Variants in INTS2 observed in about 807,000 individuals in gnomAD.
INTS2 encodes the protein KIAA1287.
In INTS2, 57 loss-of-function variants were observed where a neutral mutation model predicts 139.6. That is an observed-to-expected ratio of 0.41 (90% CI 0.33 to 0.51). The LOEUF (loss-of-function observed/expected upper bound fraction) is 0.51. Ranked by LOEUF, INTS2 falls within the 20% of genes least tolerant of loss-of-function variation. The pLI, the probability that INTS2 is intolerant of heterozygous loss-of-function variation, is 0.28. For synonymous variants in INTS2, 473 were observed against 493.4 expected, an observed-to-expected ratio of 0.96 and a Z score of 0.55; for missense variants, 1,196 against 1,436.7, an observed-to-expected ratio of 0.83 and a Z score of 2.71.
chr17:61,916,618 C>A (rs906849029), intron 5 of INTS2, among the ~76,000 whole-genome samples: 2 of 152,044 alleles, frequency 1.3e-5, no homozygotes, highest in African/African-American at 2.4e-5. Flanking sequence ...TGAAACTAGA[C>A]CCTATCTTTT....
In INTS2 at chr17:61,927,756, C is replaced by A. The variant is rs1480815844; in HGVS notation, c.-121G>T. 1 of 1,534,092 alleles carries A rather than the reference C, an allele frequency of 6.5e-7. No individual in the cohort carries two copies. The highest frequency in any genetic ancestry group is 2.0e-5 in the Admixed American group (1 of 49,386). Reference sequence around the variant, plus strand: ...AGCGCGGTCCGATGTTGGGCCTAGGCGATATCCGGAACCCCAAACCCTAGT... The same window carrying A: ...AGCGCGGTCCGATGTTGGGCCTAGGAGATATCCGGAACCCCAAACCCTAGT... On this transcript the variant is annotated 5_prime_UTR_variant, in exon 1 of 25. Coordinates refer to ENST00000251334, the MANE Select transcript of INTS2 (RefSeq NM_001351695.2).
intron 13 of INTS2, among the ~76,000 whole-genome samples, chr17:61,892,629 T>C (rs896185491): frequency 6.6e-6 from 1 of 151,734 alleles, no homozygotes; most frequent in African/African-American, 2.4e-5. Flanking sequence ...AGACCCTGTC[T>C]CTACAAAAAA....
intron 15 of INTS2, chr17:61,885,315 T>C (rs2079216013): frequency 2.9e-6 from 1 of 345,356 alleles, no homozygotes; most frequent in Non-Finnish European, 5.2e-6. Context: ...TGAGTCAAGA[T>C]TTTCCAAAAC....
rs1327959581 is a variant in INTS2 at position 61,893,918 on chromosome 17, A to G, written c.1564-19T>C. The stretch of plus-strand genomic sequence containing the variant: ...TGACAACCTAAAAGGGAAAAATAGC[A>G]TTAGTAATATAATAGAACTAAATAT... On this transcript the variant is annotated intron_variant, in intron 12 of 24. Transcript: ENST00000251334. The surrounding 1 kb of genome is among the most constrained non-coding windows in gnomAD (Gnocchi z 5.4). 5 of 1,513,842 alleles carry G rather than the reference A, an allele frequency of 3.3e-6. No homozygotes were observed. In the African/African-American group the frequency reaches 5.5e-5, roughly 17 times the overall value. The allele number at this position is 1,513,842 out of a possible 1,614,324, so 93.8% of individuals were successfully genotyped here.
In INTS2 at chr17:61,903,437, A is replaced by G. The variant is rs561149057; in HGVS notation, c.1307+1023T>C. ...AGTCTCCAAAATGATGGTGAAGGTC[A>G]ATCCCAGGATGAGAGCTTTATACTA... On this transcript the variant is annotated intron_variant, in intron 9 of 24. Coordinates refer to ENST00000251334, the MANE Select transcript of INTS2 (RefSeq NM_001351695.2). Among the ~76,000 whole-genome samples, 6 of 152,022 alleles carry G rather than the reference A, an allele frequency of 3.9e-5. No individual in the cohort carries two copies. In the East Asian group the frequency reaches 1.2e-3, roughly 30 times the overall value.
chr17:61,897,343 G>A lies in INTS2; in HGVS notation c.1494+126C>T, dbSNP rs568595806. On this transcript the variant is annotated intron_variant, in intron 11 of 24. Transcript: ENST00000251334. The surrounding 1 kb of genome is among the most constrained non-coding windows in gnomAD (Gnocchi z 4.4). ...GGTTTCAAAATGCATTTTTCTAAGCGCTCTTGATAAAACTTCTATTAAACA... is the reference window on the plus strand; with the variant it reads ...GGTTTCAAAATGCATTTTTCTAAGCACTCTTGATAAAACTTCTATTAAACA... 34 of 577,256 alleles carry A rather than the reference G, an allele frequency of 5.9e-5. No homozygotes were observed. Among genetic ancestry groups the A allele is most frequent in the Admixed American group, 1.1e-4 (3 of 27,440 alleles). The allele number at this position is 577,256 out of a possible 1,614,324, so 35.8% of individuals were successfully genotyped here. A position where few individuals can be genotyped will look rare whatever the true frequency, so the allele number is the denominator to read the frequency against.
intron 11 of INTS2, among the ~76,000 whole-genome samples, chr17:61,895,744 ATATATG>A (rs2079341214): frequency 6.6e-6 from 1 of 152,098 alleles, no homozygotes; most frequent in Non-Finnish European, 1.5e-5. Flanking sequence ...AAATATATGT[ATATATG>A]TATATGTACA....
At position 61,869,743 on chromosome 17, in the gene INTS2, G is replaced by A; in HGVS notation, c.3024C>T (p.His1008=). ...IADPNIAKLV[H]FQGYPCELLP... is the part of the protein sequence containing the mutation. ...TCATTCTTTGGAAACAGACCTGAAA[G>A]TGAACAAGCTTAGCAATGTTGGGAT... Residue 1008 remains histidine (H), a synonymous_variant, in exon 21 of 25, where the codon CAC becomes CAT. Coordinates refer to ENST00000251334, the MANE Select transcript of INTS2 (RefSeq NM_001351695.2). This position sits in a 1 kb window ranked among gnomAD's most constrained non-coding sequence, Gnocchi z 5.4. 6.2e-7 allele frequency: 1 copy of A among 1,612,734 alleles called. No homozygotes were observed. Among genetic ancestry groups the A allele is most frequent in the Non-Finnish European group, 8.5e-7 (1 of 1,178,880 alleles).
At chr17:61,926,265 T>A in intron 2 of INTS2, 87 bp downstream of exon 2, 1 of 1,081,678 alleles carries the variant, frequency 9.2e-7, no homozygotes, top group Non-Finnish European at 1.3e-6. Flanking sequence ...AGATTCTCAT[T>A]CTCTCTTTTC....
rs1181745982 is a variant in INTS2, at chr17:61,871,353, C to G, written c.2778+912G>C. 1.3e-5 allele frequency among the ~76,000 whole-genome samples: 2 copies of G among 152,082 alleles called. No homozygotes were observed. Among genetic ancestry groups the G allele is most frequent in the East Asian group, 3.9e-4 (2 of 5,164 alleles). ...CCAGGCTGGTCTCAAAACTCCTGAA[C>G]TCAGGTGATCCACCCACCTCAGCCA... On this transcript the variant is annotated intron_variant, in intron 20 of 24. Coordinates refer to ENST00000251334, the MANE Select transcript of INTS2 (RefSeq NM_001351695.2). The surrounding 1 kb of genome is among the most constrained non-coding windows in gnomAD (Gnocchi z 4.9).
At chr17:61,925,735 T>A (rs1008251110) in intron 2 of INTS2, among the ~76,000 whole-genome samples, 5 of 151,446 alleles carry the variant, frequency 3.3e-5, no homozygotes, top group Non-Finnish European at 7.4e-5. Context: ...TTTAAAAGCC[T>A]CCCAAGAGGC....
chr17:61,904,676 CT>C, intron 8 of INTS2, 91 bp from the exon 9 acceptor site: 2 of 1,082,850 alleles, frequency 1.8e-6, no homozygotes, highest in Non-Finnish European at 2.6e-6. Flanking sequence ...AAATTTTAAA[CT>C]TTATAATGGT....
At chr17:61,925,363 A>G (rs1162814685) in intron 2 of INTS2, among the ~76,000 whole-genome samples, 2 of 150,904 alleles carry the variant, frequency 1.3e-5, no homozygotes, top group Non-Finnish European at 3.0e-5. Context: ...GGTGGATCAC[A>G]AGGTTGGGAG....
At position 61,875,105 on chromosome 17, in the gene INTS2, CTTT is replaced by C; in HGVS notation, c.2457-70_2457-68del. The C allele has an allele frequency of 8.6e-7, 1 of 1,165,542 alleles. No individual in the cohort carries two copies. Among genetic ancestry groups the C allele is most frequent in the South Asian group, 2.1e-5 (1 of 47,046 alleles). 72.2% of individuals were successfully genotyped at this position (1,165,542 alleles called of 1,614,324 possible). On this transcript the variant is annotated intron_variant, in intron 18 of 24. Coordinates refer to ENST00000251334, the MANE Select transcript of INTS2 (RefSeq NM_001351695.2). This position sits in a 1 kb window ranked among gnomAD's most constrained non-coding sequence, Gnocchi z 4.6. The stretch of plus-strand genomic sequence containing the variant: ...TATTAAAATCTGTAGCCATCCAGTC[CTTT>C]CTATCTTAGAAAGTTATATTCAGTA...
In INTS2 at chr17:61,877,864, A is replaced by G. The variant is rs368998696; in HGVS notation, c.2456+23T>C. 309 of 1,555,220 alleles carry G rather than the reference A, an allele frequency of 2.0e-4. 3 individuals are homozygous for G. The South Asian group carries it at 2.9e-3, about 14-fold the overall frequency. On this transcript the variant is annotated intron_variant, in intron 18 of 24. Coordinates refer to ENST00000251334, the MANE Select transcript of INTS2 (RefSeq NM_001351695.2). ...TCCCTGCTATATAATTATCTATTAC[A>G]TGTAACAATACACTGAATTTACCTT...
chr17:61,879,865 AT>A (rs1319557564), intron 17 of INTS2, among the ~76,000 whole-genome samples: 1 of 152,166 alleles, frequency 6.6e-6, no homozygotes, highest in Non-Finnish European at 1.5e-5. Flanking sequence ...AAGAAAAAAT[AT>A]TGGCCATATT....
chr17:61,919,424 T>C lies in INTS2; in HGVS notation c.625A>G (p.Asn209Asp), dbSNP rs774620489. Residue 209 changes from asparagine (N) to aspartate (D), a missense_variant, in exon 5 of 25, where the codon AAT becomes GAT. Asn to Asp is a conservative substitution (Grantham distance 23). Transcript: ENST00000251334. ...CCTTCATTAAAACTATCAGGAACAT[T>C]GGCCACCAAGAGACACAAGAACCAG... ...GAWFLCLLVA[N>D]VPDSFNEVCR... is the part of the protein sequence containing the mutation. The C allele has an allele frequency of 1.3e-5, 20 of 1,585,136 alleles. No homozygotes were observed. The highest frequency in any genetic ancestry group is 1.6e-5 in the Non-Finnish European group (19 of 1,159,612).
At chr17:61,926,280 G>T in intron 2 of INTS2, 72 bp downstream of exon 2, 1 of 1,216,196 alleles carries the variant, frequency 8.2e-7, no homozygotes, top group South Asian at 1.5e-5. Context: ...CTTTTCTGGA[G>T]AGCTCTAAAA....
intron 2 of INTS2, among the ~76,000 whole-genome samples, chr17:61,925,505 AG>A (rs2079701239): frequency 6.6e-6 from 1 of 151,992 alleles, no homozygotes; most frequent in African/African-American, 2.4e-5. Context: ...TGAACCCAGG[AG>A]GTGGAGGTTG....
Sources: allele counts gnomAD v4.1 joint callset (sites outside exome capture counted in the v4.1 genomes callset), GRCh38; gene constraint gnomAD v4.1.1; non-coding constraint Gnocchi (gnomAD v3.1); transcripts MANE v1.5; gene names NCBI Gene and HGNC (gene_info 2026-07-23, HGNC 2026-07-21).